CCSER1: variants seen among roughly 807,000 people sequenced by gnomAD.
CCSER1 encodes coiled-coil serine rich protein 1.
Under a neutral mutation model 82.0 loss-of-function variants are expected in CCSER1, and 41 were observed. That is an observed-to-expected ratio of 0.50 (90% confidence interval 0.39 to 0.65). CCSER1 has a LOEUF of 0.65. Among genes scored for constraint, CCSER1 ranks in the 30% least tolerant of loss-of-function variants. The probability of loss-of-function intolerance (pLI) is 0.00; values close to 1 mark genes in which losing one functional copy is unlikely to be tolerated. For synonymous variants in CCSER1, 414 were observed against 383.9 expected, an observed-to-expected ratio of 1.08 and a Z score of -0.92; for missense variants, 1,119 against 1,064.2, an observed-to-expected ratio of 1.05 and a Z score of -0.72.
chr4:91,466,177 TG>T (rs1756892719), intron 10 of CCSER1, among the ~76,000 whole-genome samples: 1 of 152,200 alleles, frequency 6.6e-6, no homozygotes. Context: ...GCTTCATCCC[TG>T]GGATGCAAGG....
chr4:91,177,032 C>G (rs912316135), intron 10 of CCSER1, among the ~76,000 whole-genome samples: 2 of 152,006 alleles, frequency 1.3e-5, no homozygotes, highest in African/African-American at 2.4e-5. Context: ...GCATGAAGGG[C>G]TGTTGAATTT....
intron 10 of CCSER1, among the ~76,000 whole-genome samples, chr4:91,103,267 C>A (rs1011296036): frequency 6.6e-6 from 1 of 152,090 alleles, no homozygotes; most frequent in South Asian, 2.1e-4. Context: ...AGCCATTGGT[C>A]GTCACTCAGC....
At chr4:91,032,033 CT>C (rs1326388209) in intron 9 of CCSER1, among the ~76,000 whole-genome samples, 1 of 152,016 alleles carries the variant, frequency 6.6e-6, no homozygotes, top group Non-Finnish European at 1.5e-5. Context: ...CCAGCTCTGA[CT>C]TCATACTCCC....
At chr4:90,842,103 G>A (rs1219570880) in intron 8 of CCSER1, among the ~76,000 whole-genome samples, 1 of 151,752 alleles carries the variant, frequency 6.6e-6, no homozygotes, top group Non-Finnish European at 1.5e-5. Flanking sequence ...CACCTCATTA[G>A]CCTTGACTGG....
intron 5 of CCSER1, among the ~76,000 whole-genome samples, chr4:90,551,795 A>C (rs1447002598): frequency 1.4e-5 from 2 of 147,736 alleles, no homozygotes; most frequent in Non-Finnish European, 1.5e-5. Context: ...GTCTTTGTCT[A>C]TCTTATTTTC....
chr4:90,296,443 G>A (rs1389967814), intron 1 of CCSER1, among the ~76,000 whole-genome samples: 1 of 151,950 alleles, frequency 6.6e-6, no homozygotes, highest in Non-Finnish European at 1.5e-5. Context: ...TCTGTAGGTT[G>A]CCGGTTCACT....
chr4:90,455,592 A>G (rs1215831834), intron 4 of CCSER1, among the ~76,000 whole-genome samples: 3 of 152,106 alleles, frequency 2.0e-5, no homozygotes, highest in Admixed American at 6.5e-5. Flanking sequence ...AGGCTAAGAA[A>G]AAAGGGCATC....
Position 91,189,986 on chromosome 4 carries a change from A to T in CCSER1, c.2217+103992A>T, listed in dbSNP as rs573701229. ...CTATGAGCAAGTCACTGAGTTGCTA[A>T]TGCAGTCAGTGCATGTTGCAGTACC... On this transcript the variant is annotated intron_variant, in intron 10 of 10. Coordinates refer to ENST00000509176, the MANE Select transcript of CCSER1 (RefSeq NM_001145065.2). 3.3e-5 allele frequency among the ~76,000 whole-genome samples: 5 copies of T among 152,318 alleles called. No individual in the cohort carries two copies. In the East Asian group the frequency reaches 9.6e-4, roughly 29 times the overall value.
chr4:91,440,743 A>G (rs868007433), intron 10 of CCSER1, among the ~76,000 whole-genome samples: 1 of 152,192 alleles, frequency 6.6e-6, no homozygotes, highest in African/African-American at 2.4e-5. Context: ...AAAGAAGAAA[A>G]GAGAGAAGAA....
intron 10 of CCSER1, among the ~76,000 whole-genome samples, chr4:91,273,164 C>T (rs6812560): frequency 0.12 from 17,666 of 151,560 alleles, 1,527 homozygotes; most frequent in African/African-American, 0.24. Context: ...GGGAATTGTG[C>T]TGAATTTGTA....
intron 5 of CCSER1, among the ~76,000 whole-genome samples, chr4:90,528,631 A>G (rs1474980994): frequency 2.0e-5 from 3 of 152,228 alleles, no homozygotes; most frequent in Admixed American, 1.3e-4. Flanking sequence ...CCATAAGTTT[A>G]CCTAAAGAAA....
chr4:90,771,498 C>G (rs1349479341), intron 7 of CCSER1, among the ~76,000 whole-genome samples: 1 of 139,928 alleles, frequency 7.1e-6, no homozygotes, highest in East Asian at 2.1e-4. Flanking sequence ...TTTCTTTTAG[C>G]TAGAAAGGTA....
intron 6 of CCSER1, among the ~76,000 whole-genome samples, chr4:90,703,197 A>T (rs955965327): frequency 2.6e-5 from 4 of 152,198 alleles, no homozygotes; most frequent in African/African-American, 4.8e-5. Flanking sequence ...GGTTTCAAAG[A>T]ACAACTTTAT....
chr4:91,255,058 C>G (rs912318030), intron 10 of CCSER1, among the ~76,000 whole-genome samples: 10 of 151,970 alleles, frequency 6.6e-5, no homozygotes, highest in African/African-American at 2.4e-4. Context: ...TTAAAGCAAA[C>G]ACTGTCAAGC....
intron 10 of CCSER1, among the ~76,000 whole-genome samples, chr4:91,537,576 T>C (rs1761358793): frequency 6.6e-6 from 1 of 152,018 alleles, no homozygotes; most frequent in South Asian, 2.1e-4. Flanking sequence ...TGATCTTTTG[T>C]ATTGGTTCGA....
At chr4:90,576,549 C>A (rs542983019) in intron 5 of CCSER1, among the ~76,000 whole-genome samples, 103 of 152,298 alleles carry the variant, frequency 6.8e-4, no homozygotes, top group African/African-American at 1.9e-3. Flanking sequence ...CACCCCCTAA[C>A]AACCACTGAT....
At position 90,732,027 on chromosome 4, in the gene CCSER1, T is replaced by TTCTCTCTCTCTCTCTCTCTCTCTCTCTC. The variant is rs76331329; in HGVS notation, c.2010+8043_2010+8070dup. On this transcript the variant is annotated intron_variant, in intron 7 of 10. Transcript: ENST00000509176. ...CTGAAAACACTGTACCTATTGGGATTTCTCTCTCTCTCTCTCTCTCTCTCT... is the reference window on the plus strand; with the variant it reads ...CTGAAAACACTGTACCTATTGGGATTTCTCTCTCTCTCTCTCTCTCTCTCTCTCTCTCTCTCTCTCTCTCTCTCTCTCT... Among the ~76,000 whole-genome samples, 40 of 131,180 alleles carry TTCTCTCTCTCTCTCTCTCTCTCTCTCTC rather than the reference T, an allele frequency of 3.0e-4. 1 individual carries two copies. Among genetic ancestry groups the TTCTCTCTCTCTCTCTCTCTCTCTCTCTC allele is most frequent in the African/African-American group, 1.2e-3 (36 of 30,844 alleles). 86.1% of individuals were successfully genotyped at this position (131,180 alleles called of 152,430 possible).
intron 10 of CCSER1, among the ~76,000 whole-genome samples, chr4:91,267,569 G>C: frequency 6.6e-6 from 1 of 152,146 alleles, no homozygotes; most frequent in East Asian, 1.9e-4. Flanking sequence ...AATAATTAGA[G>C]GGATGCATGT....
chr4:91,028,773 T>C (rs1448898355), intron 9 of CCSER1, among the ~76,000 whole-genome samples: 2 of 151,930 alleles, frequency 1.3e-5, no homozygotes, highest in Non-Finnish European at 2.9e-5. Flanking sequence ...TGACTCCCCA[T>C]GGATCTGAAA....
Sources: allele counts gnomAD v4.1 joint callset (sites outside exome capture counted in the v4.1 genomes callset), GRCh38; gene constraint gnomAD v4.1.1; transcripts MANE v1.5; gene names NCBI Gene and HGNC (gene_info 2026-07-23, HGNC 2026-07-21).